GNA14: variants seen among roughly 807,000 people sequenced by gnomAD.
GNA14 encodes G protein subunit alpha 14.
GNA14 carries 50 observed loss-of-function variants against 42.0 expected under a neutral mutation model. The observed-to-expected ratio is 1.19, with a 90% CI of 0.95 to 1.51. The LOEUF (loss-of-function observed/expected upper bound fraction) is 1.51. Among genes scored for constraint, GNA14 ranks in the 40% most tolerant of loss-of-function variants. The pLI is 0.00. For missense variants in GNA14, 473 were observed against 446.2 expected (o/e 1.06, Z -0.54); for synonymous variants, 173 against 163.1 (o/e 1.06, Z -0.46).
At chr9:77,565,755 G>T (rs1189914306) in intron 1 of GNA14, among the ~76,000 whole-genome samples, 3 of 152,122 alleles carry the variant, frequency 2.0e-5, no homozygotes, top group African/African-American at 4.8e-5. Context: ...ACCGTGCCCA[G>T]CACTTTTTAC....
intron 2 of GNA14, among the ~76,000 whole-genome samples, chr9:77,516,927 C>T (rs1483879908): frequency 6.6e-6 from 1 of 152,136 alleles, no homozygotes; most frequent in Non-Finnish European, 1.5e-5. Context: ...TTGAAAAGAA[C>T]AGGCTCTTGA....
chr9:77,435,217 C>T (rs1002413411), intron 2 of GNA14, among the ~76,000 whole-genome samples: 3 of 151,962 alleles, frequency 2.0e-5, no homozygotes, highest in African/African-American at 7.2e-5. Flanking sequence ...ATTAGCTGGG[C>T]ATGGCGGCGC....
chr9:77,522,013 T>C lies in GNA14; in HGVS notation c.309+7056A>G, dbSNP rs201291393. Reference sequence around the variant, plus strand: ...ACGCCCGGCTAATTTTTATATATATTTTTAATAGAGACAGGGCTTCACCAT... The same window carrying C: ...ACGCCCGGCTAATTTTTATATATATCTTTAATAGAGACAGGGCTTCACCAT... On this transcript the variant is annotated intron_variant, in intron 2 of 6. Coordinates refer to ENST00000341700, the MANE Select transcript of GNA14 (RefSeq NM_004297.4). Among the ~76,000 whole-genome samples, 229 of 152,238 alleles carry C rather than the reference T, an allele frequency of 1.5e-3. 1 individual carries two copies. The highest frequency in any genetic ancestry group is 9.7e-4 in the East Asian group (5 of 5,168).
chr9:77,445,763 C>T (rs781360326), intron 2 of GNA14, among the ~76,000 whole-genome samples: 20 of 151,810 alleles, frequency 1.3e-4, no homozygotes, highest in Non-Finnish European at 2.8e-4. Context: ...TTTGTTTGGG[C>T]CAGTTAATTG....
chr9:77,640,955 G>C (rs1158580094), intron 1 of GNA14, among the ~76,000 whole-genome samples: 2 of 147,030 alleles, frequency 1.4e-5, no homozygotes, highest in African/African-American at 5.1e-5. Context: ...CATTGCACAA[G>C]TCGGGTATGA....
At chr9:77,618,520 G>A (rs1045131490) in intron 1 of GNA14, among the ~76,000 whole-genome samples, 1 of 135,768 alleles carries the variant, frequency 7.4e-6, no homozygotes, top group Non-Finnish European at 1.5e-5. Flanking sequence ...GATAGTGAAT[G>A]AATATAAGGT....
intron 2 of GNA14, among the ~76,000 whole-genome samples, chr9:77,473,157 G>A (rs1587783333): frequency 6.6e-6 from 1 of 152,168 alleles, no homozygotes; most frequent in Non-Finnish European, 1.5e-5. Context: ...ATTGTTGGAA[G>A]AAATTAAAGA....
intron 2 of GNA14, among the ~76,000 whole-genome samples, chr9:77,487,906 A>T (rs10781438): frequency 0.57 from 86,757 of 151,954 alleles, 25,285 homozygotes; most frequent in East Asian, 0.83. Context: ...ATTAGGAACA[A>T]CAATGTGCCA....
chr9:77,534,355 A>T (rs1837568452), intron 1 of GNA14, among the ~76,000 whole-genome samples: 1 of 152,246 alleles, frequency 6.6e-6, no homozygotes, highest in Non-Finnish European at 1.5e-5. Flanking sequence ...AACTCATATA[A>T]GTACAAAAGG....
At chr9:77,600,716 G>A (rs1165149705) in intron 1 of GNA14, among the ~76,000 whole-genome samples, 1 of 152,152 alleles carries the variant, frequency 6.6e-6, no homozygotes, top group Non-Finnish European at 1.5e-5. Context: ...TCAGGAGTTC[G>A]AGACCAGCCT....
Position 77,615,388 on chromosome 9 carries a change from C to G in GNA14, c.124+32282G>C, listed in dbSNP as rs539624608. ...TCTGAAACACCTTCTTTCTTCTGAT[C>G]AGGTCAGTGCCACCTATTTGGCAAA... On this transcript the variant is annotated intron_variant, in intron 1 of 6. Transcript: ENST00000341700. 1.4e-4 allele frequency among the ~76,000 whole-genome samples: 21 copies of G among 152,140 alleles called. 1 individual carries two copies. In the South Asian group the frequency reaches 3.9e-3, roughly 29 times the overall value.
intron 2 of GNA14, among the ~76,000 whole-genome samples, chr9:77,440,439 G>C (rs1027555374): frequency 6.6e-6 from 1 of 152,222 alleles, no homozygotes; most frequent in African/African-American, 2.4e-5. Flanking sequence ...GCAGGGCTCC[G>C]AGCTCTCTGT....
In GNA14 at chr9:77,428,932, T is replaced by C. The variant is rs752403866; in HGVS notation, c.698A>G (p.Gln233Arg). ...IFLVALSEYDQVLAECDNENR... is the reference protein window; with the variant it reads ...IFLVALSEYDRVLAECDNENR... ...CTCGTTGTCACACTCAGCCAGGACC[T>C]GGTCATATTCACTCAGAGCAACCAA... Residue 233 changes from glutamine (Q) to arginine (R), a missense_variant, in exon 5 of 7, where the codon CAG (glutamine) becomes CGG (arginine). Physicochemically the swap from Gln to Arg is conservative, Grantham distance 43 (BLOSUM62 1). Coordinates refer to ENST00000341700, the MANE Select transcript of GNA14 (RefSeq NM_004297.4). 3.7e-6 allele frequency: 6 copies of C among 1,614,002 alleles called. No homozygotes were observed. Among genetic ancestry groups the C allele is most frequent in the Non-Finnish European group, 4.2e-6 (5 of 1,179,928 alleles).
Position 77,478,967 on chromosome 9 carries a change from T to G in GNA14, c.310-44445A>C, listed in dbSNP as rs553408700. Among the ~76,000 whole-genome samples, 19 of 152,214 alleles carry G rather than the reference T, an allele frequency of 1.2e-4. No homozygotes were observed. In the East Asian group the frequency reaches 3.3e-3, roughly 26 times the overall value. ...AGTAGGTTGAGAAAATTTTCTCCCA[T>G]TCTGTAGGTTGCCTGTTCACTCTGA... On this transcript the variant is annotated intron_variant, in intron 2 of 6. Transcript: ENST00000341700.
chr9:77,632,470 C>G (rs1824113051), intron 1 of GNA14, among the ~76,000 whole-genome samples: 1 of 152,176 alleles, frequency 6.6e-6, no homozygotes, highest in Non-Finnish European at 1.5e-5. Flanking sequence ...CTCTGTGGCC[C>G]TGTAGGGGCT....
chr9:77,615,989 C>A (rs975054929), intron 1 of GNA14, among the ~76,000 whole-genome samples: 8 of 151,928 alleles, frequency 5.3e-5, no homozygotes, highest in African/African-American at 1.9e-4. Flanking sequence ...TGGTCTTCAC[C>A]CACAGTTCAT....
chr9:77,481,236 C>T (rs897736267), intron 2 of GNA14, among the ~76,000 whole-genome samples: 1 of 152,164 alleles, frequency 6.6e-6, no homozygotes, highest in East Asian at 1.9e-4. Flanking sequence ...CCCAGAGATT[C>T]TGGTGTGTTG....
At position 77,529,269 on chromosome 9, in the gene GNA14, A is replaced by T. The variant is rs756506736; in HGVS notation, c.125-16T>A. On this transcript the variant is annotated splice_polypyrimidine_tract_variant and intron_variant, in intron 1 of 6. Transcript: ENST00000341700. ...TCACCAGTTCCTATAAGACAAAACAAGTGGAAAACGCTGTCAGCAGACTTC... is the reference window on the plus strand; with the variant it reads ...TCACCAGTTCCTATAAGACAAAACATGTGGAAAACGCTGTCAGCAGACTTC... 1.7e-5 allele frequency: 27 copies of T among 1,605,638 alleles called. No individual in the cohort carries two copies. In the Admixed American group the frequency reaches 4.5e-4, roughly 27 times the overall value.
chr9:77,644,248 T>C (rs1824315534), intron 1 of GNA14, among the ~76,000 whole-genome samples: 2 of 151,868 alleles, frequency 1.3e-5, no homozygotes, highest in South Asian at 4.2e-4. Context: ...AGGGATCGTT[T>C]GAGCCCAGCG....
Sources: gnomAD v4.1 joint callset for allele counts (sites outside exome capture counted in the v4.1 genomes callset) on GRCh38, gnomAD v4.1.1 for gene constraint, MANE v1.5 for transcripts, NCBI Gene and HGNC (gene_info 2026-07-23, HGNC 2026-07-21) for gene names.